Variants in PTPN14 observed in about 807,000 individuals in gnomAD.
PTPN14 encodes protein tyrosine phosphatase non-receptor type 14.
In PTPN14, 53 loss-of-function variants were observed where a neutral mutation model predicts 126.8. That is an observed-to-expected ratio of 0.42 (90% CI 0.34 to 0.53). The LOEUF (loss-of-function observed/expected upper bound fraction) is 0.53. PTPN14 is among the 20% of genes least tolerant of loss of function. The pLI is 0.08. For missense variants in PTPN14, 1,257 were observed against 1,552.9 expected (o/e 0.81, Z 3.20); for synonymous variants, 630 against 599.3 (o/e 1.05, Z -0.75).
chr1:214,454,291 T>C (rs1349879652), intron 2 of PTPN14, among the ~76,000 whole-genome samples: 2 of 152,192 alleles, frequency 1.3e-5, no homozygotes, highest in Non-Finnish European at 2.9e-5. Flanking sequence ...ATTTTTATGG[T>C]CCACACTTCA....
chr1:214,371,308 C>A (rs1462470863), intron 16 of PTPN14, among the ~76,000 whole-genome samples: 1 of 152,158 alleles, frequency 6.6e-6, no homozygotes, highest in East Asian at 1.9e-4. Flanking sequence ...AAGGTTTTTA[C>A]TTCCAGCCTT....
At chr1:214,495,063 T>A (rs1297116841) in intron 1 of PTPN14, among the ~76,000 whole-genome samples, 2 of 152,056 alleles carry the variant, frequency 1.3e-5, no homozygotes, top group African/African-American at 4.8e-5. Flanking sequence ...CTCAGCATCA[T>A]CCCAGAAAGG....
intron 1 of PTPN14, among the ~76,000 whole-genome samples, chr1:214,480,453 G>A (rs1211070446): frequency 6.6e-6 from 1 of 152,160 alleles, no homozygotes. Context: ...TTTAGTAAAG[G>A]AGAATATTGA....
chr1:214,384,087 C>A lies in PTPN14; in HGVS notation c.1768G>T (p.Val590Phe). The change falls in exon 13 of 19, where the codon GTC (valine) becomes TTC (phenylalanine). Residue 590 changes from valine (V) to phenylalanine (F), a missense_variant. Around this residue, in one of 3 missense-constraint regions of PTPN14, gnomAD observed 1,021 missense variants for 1,183.3 expected, o/e 0.86. Transcript: ENST00000366956. This position sits in a 1 kb window ranked among gnomAD's most constrained non-coding sequence, Gnocchi z 5.3. ...PDLASHRHKY[V>F]SGSSPDLVTR... ...ACCAGGTCCGGGCTGCTGCCGCTGA[C>A]GTACTTGTGGCGGTGGCTGGCCAGG... 1 of 1,574,022 alleles carries A rather than the reference C, an allele frequency of 6.4e-7. No individual in the cohort carries two copies. Among genetic ancestry groups the A allele is most frequent in the Non-Finnish European group, 8.6e-7 (1 of 1,162,708 alleles).
At chr1:214,490,507 T>C (rs1661205322) in intron 1 of PTPN14, among the ~76,000 whole-genome samples, 1 of 152,152 alleles carries the variant, frequency 6.6e-6, no homozygotes, top group South Asian at 2.1e-4. Flanking sequence ...TAAATGAGAA[T>C]ACTGTGGAAG....
At chr1:214,520,065 A>AAAAAAAAAAAATAT in intron 1 of PTPN14, among the ~76,000 whole-genome samples, 50 of 71,090 alleles carry the variant, frequency 7.0e-4, no homozygotes, top group Non-Finnish European at 1.1e-3. Flanking sequence ...AAAAAAAAAA[A>AAAAAAAAAAAATAT]ATATATATAT....
At position 214,349,631 on chromosome 1, in the gene PTPN14, T is replaced by A. The variant is rs1287336090; in HGVS notation, c.*8291A>T. 2.0e-5 allele frequency: 3 copies of A among 152,300 alleles called. No individual in the cohort carries two copies. Among genetic ancestry groups the A allele is most frequent in the Admixed American group, 6.5e-5 (1 of 15,300 alleles). 9.4% of individuals were successfully genotyped at this position (152,300 alleles called of 1,614,324 possible). A position where few individuals can be genotyped will look rare whatever the true frequency, so the allele number is the denominator to read the frequency against. On this transcript the variant is annotated 3_prime_UTR_variant, in exon 19 of 19. Coordinates refer to ENST00000366956, the MANE Select transcript of PTPN14 (RefSeq NM_005401.5). ...TATTAGTAATTTGCATATTTAAACC[T>A]TTTTTTCCACTGAAGTATCCTCAAG...
At chr1:214,453,971 T>G (rs571062734) in intron 2 of PTPN14, among the ~76,000 whole-genome samples, 1 of 152,260 alleles carries the variant, frequency 6.6e-6, no homozygotes, top group African/African-American at 2.4e-5. Flanking sequence ...TAACATGAAG[T>G]CATTTGGGTA....
intron 2 of PTPN14, among the ~76,000 whole-genome samples, chr1:214,460,786 A>G (rs1660493495): frequency 6.6e-6 from 1 of 152,128 alleles, no homozygotes; most frequent in African/African-American, 2.4e-5. Context: ...GGTTTCTGGG[A>G]GCAGGGACCC....
intron 1 of PTPN14, among the ~76,000 whole-genome samples, chr1:214,471,907 G>A (rs1660768238): frequency 2.0e-5 from 3 of 152,102 alleles, no homozygotes; most frequent in African/African-American, 7.2e-5. Flanking sequence ...TTCCCCAGGG[G>A]AAATTGATAT....
intron 13 of PTPN14, among the ~76,000 whole-genome samples, chr1:214,379,193 G>T (rs1271179170): frequency 6.6e-6 from 1 of 152,138 alleles, no homozygotes. Context: ...CACAATGAAG[G>T]GCAACCAATT....
intron 5 of PTPN14, among the ~76,000 whole-genome samples, chr1:214,405,231 G>A (rs1190314959): frequency 6.6e-6 from 1 of 152,148 alleles, no homozygotes; most frequent in African/African-American, 2.4e-5. Context: ...CCAGCTGGAC[G>A]TAAGCATTTT....
intron 15 of PTPN14, among the ~76,000 whole-genome samples, chr1:214,374,816 C>CT (rs1658302895): frequency 6.6e-6 from 1 of 152,102 alleles, no homozygotes; most frequent in Admixed American, 6.5e-5. Flanking sequence ...AAAGTGACAG[C>CT]TTTTTTCAGA....
chr1:214,405,686 G>C (rs765715676), intron 5 of PTPN14, among the ~76,000 whole-genome samples: 2 of 150,528 alleles, frequency 1.3e-5, no homozygotes, highest in Non-Finnish European at 2.9e-5. Context: ...AAGACATAGA[G>C]ACAGAATAAT....
chr1:214,420,962 C>G (rs1012798474), intron 3 of PTPN14, among the ~76,000 whole-genome samples: 3 of 152,344 alleles, frequency 2.0e-5, no homozygotes, highest in African/African-American at 7.2e-5. Context: ...TTTGATCTGT[C>G]TTAAAAATCT....
chr1:214,378,006 GC>G lies in PTPN14; in HGVS notation c.2640del (p.Arg881GlyfsTer20). Reference sequence around the variant, plus strand: ...GTGGCATCAACTCGATTCTCTTCCCGCCCTGAGACTCGAGCCACCGAGAGCC... The same window carrying G: ...GTGGCATCAACTCGATTCTCTTCCCGCCTGAGACTCGAGCCACCGAGAGCC... ...LNGLSVARVS[G>X]REENRVDATR... On this transcript the variant is annotated frameshift_variant, in exon 14 of 19. Coordinates refer to ENST00000366956, the MANE Select transcript of PTPN14 (RefSeq NM_005401.5). LOFTEE classifies it high-confidence loss of function. 1 of 1,602,806 alleles carries G rather than the reference GC, an allele frequency of 6.2e-7. No homozygotes were observed. The highest frequency in any genetic ancestry group is 8.5e-7 in the Non-Finnish European group (1 of 1,175,272).
intron 1 of PTPN14, among the ~76,000 whole-genome samples, chr1:214,488,895 G>GC (rs2102414903): frequency 6.6e-6 from 1 of 152,308 alleles, no homozygotes; most frequent in Non-Finnish European, 1.5e-5. Context: ...CTGCTATGTT[G>GC]CAATACATTT....
chr1:214,404,545 G>A (rs1206325653), intron 5 of PTPN14, among the ~76,000 whole-genome samples: 1 of 152,130 alleles, frequency 6.6e-6, no homozygotes, highest in Non-Finnish European at 1.5e-5. Context: ...AAAATAAAGT[G>A]AAGATCAAAA....
At chr1:214,417,520 G>C (rs1168683773) in intron 3 of PTPN14, among the ~76,000 whole-genome samples, 1 of 152,148 alleles carries the variant, frequency 6.6e-6, no homozygotes, top group African/African-American at 2.4e-5. Flanking sequence ...CAAATCAACA[G>C]AGCCTTCAGT....
Sources: gnomAD v4.1 joint callset for allele counts (sites outside exome capture counted in the v4.1 genomes callset) on GRCh38, gnomAD v4.1.1 for gene constraint, gnomAD v4.1.1 regional missense constraint, Gnocchi (gnomAD v3.1) non-coding constraint, MANE v1.5 for transcripts, NCBI Gene and HGNC (gene_info 2026-07-23, HGNC 2026-07-21) for gene names.